Variants in KPNA3 observed in about 807,000 individuals in gnomAD.
KPNA3 encodes importin subunit alpha-4.
Under a neutral mutation model 73.8 loss-of-function variants are expected in KPNA3, and 13 were observed. The ratio of observed to expected loss-of-function variants is 0.18; its 90% CI spans 0.11 to 0.28. The LOEUF is 0.28. Ranked by LOEUF, KPNA3 falls within the 10% of genes least tolerant of loss-of-function variation. The probability of loss-of-function intolerance (pLI) is 1.00; values close to 1 mark genes in which losing one functional copy is unlikely to be tolerated. For synonymous variants in KPNA3, 186 were observed against 206.9 expected (o/e 0.90, Z 0.87); for missense variants, 360 against 618.1 (o/e 0.58, Z 4.43).
intron 2 of KPNA3, among the ~76,000 whole-genome samples, 179 bp downstream of exon 2, chr13:49,746,770 G>T (rs2137569177): frequency 6.6e-6 from 1 of 152,220 alleles, no homozygotes; most frequent in East Asian, 1.9e-4. Context: ...CTTCACACAG[G>T]GCCTAGTACC....
intron 1 of KPNA3, among the ~76,000 whole-genome samples, chr13:49,762,560 C>T (rs1954776299): frequency 6.6e-6 from 1 of 152,180 alleles, no homozygotes; most frequent in Admixed American, 6.5e-5. Flanking sequence ...GATCTATGAC[C>T]TTGCCCCCAA....
chr13:49,708,757 G>A (rs1398425108), intron 12 of KPNA3, among the ~76,000 whole-genome samples: 1 of 152,170 alleles, frequency 6.6e-6, no homozygotes, highest in Non-Finnish European at 1.5e-5. Flanking sequence ...CATGCTAGAT[G>A]AAATAAGCCA....
chr13:49,732,849 T>C, intron 3 of KPNA3, 73 bp from the exon 4 acceptor site: 1 of 1,317,242 alleles, frequency 7.6e-7, no homozygotes, highest in Non-Finnish European at 1.1e-6. Flanking sequence ...TGTACCTGAG[T>C]TAATATACTT....
intron 1 of KPNA3, among the ~76,000 whole-genome samples, chr13:49,788,411 G>T (rs567940943): frequency 6.6e-6 from 1 of 152,140 alleles, no homozygotes. Context: ...TACATGAAAA[G>T]GTCTAGCATT....
chr13:49,790,287 C>A (rs557104396), intron 1 of KPNA3, among the ~76,000 whole-genome samples: 1 of 152,180 alleles, frequency 6.6e-6, no homozygotes. Flanking sequence ...GGCAACAAAG[C>A]GAGACCCCGT....
intron 14 of KPNA3, 80 bp from the exon 15 acceptor site, chr13:49,705,863 T>A: frequency 5.4e-6 from 7 of 1,291,794 alleles, no homozygotes; most frequent in Non-Finnish European, 7.3e-6. Context: ...CATGGAAGGC[T>A]GAGGCAGGAG....
intron 1 of KPNA3, among the ~76,000 whole-genome samples, chr13:49,769,189 G>C (rs1167565976): frequency 6.6e-6 from 1 of 152,134 alleles, no homozygotes; most frequent in African/African-American, 2.4e-5. Context: ...AGAATGCCAC[G>C]TTACTTTTAC....
intron 1 of KPNA3, among the ~76,000 whole-genome samples, chr13:49,755,658 G>C (rs564900415): frequency 1.3e-5 from 2 of 152,258 alleles, no homozygotes; most frequent in African/African-American, 4.8e-5. Context: ...GGGCGTGGTG[G>C]TGCACACCTG....
intron 6 of KPNA3, among the ~76,000 whole-genome samples, chr13:49,727,379 C>T (rs1310101366): frequency 6.2e-5 from 9 of 144,636 alleles, no homozygotes; most frequent in African/African-American, 2.1e-4. Context: ...ACCCAGGAGG[C>T]GGAGGTTGTG....
intron 5 of KPNA3, 60 bp downstream of exon 5, chr13:49,732,545 C>T (rs1032068171): frequency 7.6e-6 from 11 of 1,454,668 alleles, no homozygotes; most frequent in African/African-American, 1.4e-5. Context: ...AACTTCTAGA[C>T]TACCAGGTAA....
intron 2 of KPNA3, among the ~76,000 whole-genome samples, chr13:49,733,282 G>A (rs868474695): frequency 2.0e-5 from 2 of 100,918 alleles, no homozygotes; most frequent in African/African-American, 7.5e-5. Flanking sequence ...CCACTGTGGT[G>A]TTTTTTTTTT....
chr13:49,731,327 G>A (rs1174600624), intron 6 of KPNA3, among the ~76,000 whole-genome samples: 6 of 143,694 alleles, frequency 4.2e-5, no homozygotes, highest in Middle Eastern at 3.6e-3. Flanking sequence ...GGACTCAAGC[G>A]ATCCACCTAC....
At chr13:49,784,240 T>A (rs944024713) in intron 1 of KPNA3, among the ~76,000 whole-genome samples, 18 of 151,882 alleles carry the variant, frequency 1.2e-4, no homozygotes, top group East Asian at 3.9e-4. Context: ...TGTTTAAAAA[T>A]TTTTTTTTAA....
At chr13:49,781,014 G>A (rs754812082) in intron 1 of KPNA3, among the ~76,000 whole-genome samples, 3 of 152,084 alleles carry the variant, frequency 2.0e-5, no homozygotes, top group African/African-American at 4.8e-5. Flanking sequence ...AGGCCACCGC[G>A]TCCAGCCAGA....
chr13:49,792,392 C>A (rs1379862368), intron 1 of KPNA3, 46 bp downstream of exon 1: 1 of 1,439,996 alleles, frequency 6.9e-7, no homozygotes, highest in Admixed American at 2.4e-5. Flanking sequence ...CCCGCGTCGC[C>A]GGGCCGGCGC....
intron 2 of KPNA3, among the ~76,000 whole-genome samples, chr13:49,737,570 TG>T (rs1954535289): frequency 1.5e-4 from 1 of 6,718 alleles, no homozygotes; most frequent in African/African-American, 2.1e-4. Context: ...TCTGTGTGTG[TG>T]TGTGTGTGTG....
At chr13:49,707,883 T>C (rs1447634930) in intron 12 of KPNA3, among the ~76,000 whole-genome samples, 1 of 152,250 alleles carries the variant, frequency 6.6e-6, no homozygotes, top group Admixed American at 6.5e-5. Context: ...TATACAAATA[T>C]AGTTATGATG....
chr13:49,722,011 T>C lies in KPNA3; in HGVS notation c.670A>G (p.Ile224Val), dbSNP rs780438441. The change falls in exon 9 of 17, where the codon ATT becomes GTT. Residue 224 changes from isoleucine (I) to valine (V), a missense_variant. This residue lies in a region of KPNA3 where 287 missense variants were observed against 549.1 expected (regional missense o/e 0.52). Coordinates refer to ENST00000261667, the MANE Select transcript of KPNA3 (RefSeq NM_002267.4). ...ITFLRNVTWVIVNLCRNKDPP... is the reference protein window; with the variant it reads ...ITFLRNVTWVVVNLCRNKDPP... ...TCCTTATTCCTGCAGAGATTGACAA[T>C]GACCCATGTGACGTTCCGAAGGAAG... is the stretch of plus-strand genomic sequence containing the variant. 4 of 1,611,496 alleles carry C rather than the reference T, an allele frequency of 2.5e-6. No homozygotes were observed. In the Admixed American group the frequency reaches 5.0e-5, roughly 20 times the overall value.
intron 1 of KPNA3, among the ~76,000 whole-genome samples, chr13:49,783,421 T>C (rs1028360411): frequency 5.9e-5 from 9 of 152,156 alleles, no homozygotes; most frequent in African/African-American, 1.4e-4. Flanking sequence ...AAAATGAGAA[T>C]ACAGTCCTCC....
Sources: gnomAD v4.1 joint callset for allele counts (sites outside exome capture counted in the v4.1 genomes callset) on GRCh38, gnomAD v4.1.1 for gene constraint, gnomAD v4.1.1 regional missense constraint, MANE v1.5 for transcripts, NCBI Gene and HGNC (gene_info 2026-07-23, HGNC 2026-07-21) for gene names.